The following ARHGAP15 variants were observed in gnomAD, a reference collection of about 807,000 sequenced individuals.
The protein encoded by ARHGAP15 is rho GTPase-activating protein 15.
In ARHGAP15, 51 loss-of-function variants were observed where a neutral mutation model predicts 63.7. The observed-to-expected ratio is 0.80, with a 90% CI of 0.64 to 1.01. The LOEUF (loss-of-function observed/expected upper bound fraction) is 1.01, where lower values mean the gene tolerates loss of function less well. Among genes scored for constraint, ARHGAP15 ranks in the 50% least tolerant of loss-of-function variants. The pLI, the probability that ARHGAP15 is intolerant of heterozygous loss-of-function variation, is 0.00. For missense variants in ARHGAP15, 560 were observed against 564.6 expected (o/e 0.99, Z 0.08); for synonymous variants, 191 against 193.8 (o/e 0.99, Z 0.12).
intron 8 of ARHGAP15, among the ~76,000 whole-genome samples, chr2:143,476,200 C>T (rs933123834): frequency 6.6e-6 from 1 of 152,090 alleles, no homozygotes; most frequent in Non-Finnish European, 1.5e-5. Flanking sequence ...ACTTCTGAAA[C>T]ACTCCAAGAA....
intron 9 of ARHGAP15, among the ~76,000 whole-genome samples, chr2:143,514,459 T>C (rs1488449479): frequency 6.6e-6 from 1 of 152,232 alleles, no homozygotes; most frequent in Admixed American, 6.5e-5. Context: ...TAACTCCACA[T>C]TCTTAGCAAA....
intron 13 of ARHGAP15, among the ~76,000 whole-genome samples, chr2:143,708,212 T>C (rs1365926160): frequency 1.3e-5 from 2 of 152,188 alleles, no homozygotes; most frequent in Admixed American, 6.5e-5. Context: ...ATATGAATAA[T>C]GCTTTTGAAG....
intron 11 of ARHGAP15, among the ~76,000 whole-genome samples, chr2:143,615,590 T>C (rs547513388): frequency 2.6e-5 from 4 of 152,312 alleles, no homozygotes; most frequent in African/African-American, 7.2e-5. Flanking sequence ...GCATTTTTGC[T>C]TACAATGGAC....
chr2:143,505,780 G>A (rs1307009257), intron 9 of ARHGAP15, among the ~76,000 whole-genome samples: 1 of 152,108 alleles, frequency 6.6e-6, no homozygotes, highest in South Asian at 2.1e-4. Flanking sequence ...TTTCATCAAA[G>A]CCACTTTTAA....
chr2:143,719,818 A>G (rs952870852), intron 13 of ARHGAP15, among the ~76,000 whole-genome samples: 6 of 152,160 alleles, frequency 3.9e-5, no homozygotes, highest in African/African-American at 1.4e-4. Context: ...AAAATAACCA[A>G]TTCCTGGAGT....
At chr2:143,149,971 A>G (rs1251407051) in intron 1 of ARHGAP15, among the ~76,000 whole-genome samples, 1 of 152,018 alleles carries the variant, frequency 6.6e-6, no homozygotes, top group Non-Finnish European at 1.5e-5. Flanking sequence ...GATTTTCTTT[A>G]CATTTCTTGT....
chr2:143,679,075 T>C (rs1682966293), intron 12 of ARHGAP15, among the ~76,000 whole-genome samples: 1 of 152,052 alleles, frequency 6.6e-6, no homozygotes, highest in South Asian at 2.1e-4. Flanking sequence ...TGCTAGTTGA[T>C]TAGAAAAGTC....
chr2:143,213,329 C>A (rs6430005), intron 3 of ARHGAP15, among the ~76,000 whole-genome samples: 22,090 of 152,024 alleles, frequency 0.15, 1,664 homozygotes, highest in Middle Eastern at 0.24. Flanking sequence ...GCCTGACCAA[C>A]ATGGAGAAAC....
intron 2 of ARHGAP15, among the ~76,000 whole-genome samples, chr2:143,190,109 T>C (rs1377097857): frequency 6.6e-6 from 1 of 152,246 alleles, no homozygotes; most frequent in Non-Finnish European, 1.5e-5. Flanking sequence ...CTTGAAACAG[T>C]ATATTGCACA....
intron 6 of ARHGAP15, among the ~76,000 whole-genome samples, chr2:143,422,418 CA>C (rs1201368109): frequency 1.3e-5 from 2 of 151,882 alleles, no homozygotes; most frequent in African/African-American, 2.4e-5. Context: ...ATGAAGCAGG[CA>C]AAAAACTATA....
chr2:143,451,323 C>T (rs1690397966), intron 8 of ARHGAP15, among the ~76,000 whole-genome samples: 1 of 151,796 alleles, frequency 6.6e-6, no homozygotes, highest in Non-Finnish European at 1.5e-5. Flanking sequence ...AGAAGCTATA[C>T]TGATTATTTT....
intron 13 of ARHGAP15, among the ~76,000 whole-genome samples, chr2:143,735,616 A>G (rs939948657): frequency 6.6e-6 from 1 of 152,140 alleles, no homozygotes; most frequent in Admixed American, 6.5e-5. Flanking sequence ...TTCCTGATCC[A>G]TTCTCTATGG....
chr2:143,548,561 TAAAGAA>T (rs1413750359), intron 10 of ARHGAP15, among the ~76,000 whole-genome samples: 1 of 151,926 alleles, frequency 6.6e-6, no homozygotes, highest in Non-Finnish European at 1.5e-5. Flanking sequence ...AGTCTAACAT[TAAAGAA>T]AAATTACAAC....
chr2:143,572,985 G>A (rs1000028456), intron 11 of ARHGAP15, among the ~76,000 whole-genome samples: 9 of 151,998 alleles, frequency 5.9e-5, no homozygotes, highest in African/African-American at 2.2e-4. Context: ...AATACCTCTA[G>A]ATACCTTTAT....
At chr2:143,385,170 G>T (rs189111626) in intron 6 of ARHGAP15, among the ~76,000 whole-genome samples, 1 of 152,062 alleles carries the variant, frequency 6.6e-6, no homozygotes, top group Non-Finnish European at 1.5e-5. Context: ...TTGTAGCCAC[G>T]CAAAGAGTAA....
At chr2:143,184,261 C>G (rs538552352) in intron 2 of ARHGAP15, among the ~76,000 whole-genome samples, 1 of 152,266 alleles carries the variant, frequency 6.6e-6, no homozygotes, top group African/African-American at 2.4e-5. Flanking sequence ...AATATGACCT[C>G]AACAAAATTG....
At chr2:143,599,755 T>C (rs2105189294) in intron 11 of ARHGAP15, among the ~76,000 whole-genome samples, 1 of 152,298 alleles carries the variant, frequency 6.6e-6, no homozygotes, top group Non-Finnish European at 1.5e-5. Context: ...TGCTTGACGC[T>C]TTCCATTGCT....
chr2:143,763,006 T>C (rs1686812499), intron 13 of ARHGAP15, among the ~76,000 whole-genome samples: 1 of 152,134 alleles, frequency 6.6e-6, no homozygotes, highest in South Asian at 2.1e-4. Context: ...TCTAAGATAC[T>C]AAATTGAGTT....
chr2:143,707,464 G>C (rs1009902737), intron 13 of ARHGAP15, among the ~76,000 whole-genome samples: 5 of 152,214 alleles, frequency 3.3e-5, no homozygotes, highest in African/African-American at 9.6e-5. Flanking sequence ...AGATGACGAG[G>C]TTGTAGCAAA....
Sources: allele counts gnomAD v4.1 joint callset (sites outside exome capture counted in the v4.1 genomes callset), GRCh38; gene constraint gnomAD v4.1.1; transcripts MANE v1.5; gene names NCBI Gene and HGNC (gene_info 2026-07-23, HGNC 2026-07-21).